Variants in ASCC3 observed in about 807,000 individuals in gnomAD.
ASCC3 encodes activating signal cointegrator 1 complex subunit 3, also known as ASC-1 complex subunit P200.
A neutral mutation model predicts 256.3 loss-of-function variants in ASCC3; 158 were observed. That is an observed-to-expected ratio of 0.62 (90% CI 0.54 to 0.70). The LOEUF (loss-of-function observed/expected upper bound fraction) is 0.70. Among genes scored for constraint, ASCC3 ranks in the 30% least tolerant of loss-of-function variants. The probability of loss-of-function intolerance (pLI) is 0.00; values close to 1 mark genes in which losing one functional copy is unlikely to be tolerated. For missense variants in ASCC3, 2,259 were observed against 2,626.0 expected (o/e 0.86, Z 3.05); for synonymous variants, 948 against 883.4 (o/e 1.07, Z -1.30).
At chr6:100,582,130 T>C (rs1358425953) in intron 36 of ASCC3, among the ~76,000 whole-genome samples, 1 of 151,882 alleles carries the variant, frequency 6.6e-6, no homozygotes, top group Non-Finnish European at 1.5e-5. Context: ...AAGAAAGTCA[T>C]TGGTAGCTTG....
At chr6:100,603,420 A>G (rs1274968528) in intron 33 of ASCC3, among the ~76,000 whole-genome samples, 1 of 152,052 alleles carries the variant, frequency 6.6e-6, no homozygotes, top group Non-Finnish European at 1.5e-5. Context: ...TTCTTCTCAA[A>G]AGAATATTTG....
At chr6:100,612,177 G>A (rs1197175497) in intron 30 of ASCC3, among the ~76,000 whole-genome samples, 2 of 151,838 alleles carry the variant, frequency 1.3e-5, no homozygotes, top group African/African-American at 2.4e-5. Context: ...TACTCAAAAA[G>A]CTTTTGTAGA....
At chr6:100,846,150 C>T (rs1562339177) in intron 4 of ASCC3, among the ~76,000 whole-genome samples, 1 of 14,192 alleles carries the variant, frequency 7.0e-5, no homozygotes, top group African/African-American at 2.7e-4. Flanking sequence ...AGGTATAGCA[C>T]GCACACCCTA....
chr6:100,535,819 A>ACAAGC (rs1357841134), intron 37 of ASCC3, among the ~76,000 whole-genome samples: 2 of 152,162 alleles, frequency 1.3e-5, no homozygotes, highest in African/African-American at 2.4e-5. Context: ...GTGGCTTCCG[A>ACAAGC]CAAGCCAAGC....
rs1291906584 is a variant in ASCC3, at chr6:100,601,876, G to T, written c.5237C>A (p.Ser1746Tyr). 1 of 1,612,420 alleles carries T rather than the reference G, an allele frequency of 6.2e-7. No homozygotes were observed. Among genetic ancestry groups the T allele is most frequent in the Non-Finnish European group, 8.5e-7 (1 of 1,178,874 alleles). ...GATATAATCCAATGCATCTTGCTTAGATGTAATTGTACCACCAGCAATCTC... is the reference window on the plus strand; with the variant it reads ...GATATAATCCAATGCATCTTGCTTATATGTAATTGTACCACCAGCAATCTC... Reference protein sequence around the residue: ...NAEIAGGTITSKQDALDYITW... With the variant: ...NAEIAGGTITYKQDALDYITW... The change falls in exon 34 of 42, where the codon TCT becomes TAT. Residue 1746 changes from serine (S) to tyrosine (Y), a missense_variant. By Grantham distance (144) the Ser-to-Tyr change is moderately radical (BLOSUM62 -2). This residue lies in a region of ASCC3 where 1,839 missense variants were observed against 2,206.7 expected (regional missense o/e 0.83). Coordinates refer to ENST00000369162, the MANE Select transcript of ASCC3 (RefSeq NM_006828.4).
chr6:100,630,470 T>A (rs1011698600), intron 26 of ASCC3, among the ~76,000 whole-genome samples: 1 of 151,134 alleles, frequency 6.6e-6, no homozygotes, highest in South Asian at 2.1e-4. Flanking sequence ...AGGATACTTA[T>A]ATTTTTTTTT....
chr6:100,702,792 C>T (rs1021651999), intron 13 of ASCC3, among the ~76,000 whole-genome samples: 2 of 152,106 alleles, frequency 1.3e-5, no homozygotes, highest in African/African-American at 2.4e-5. Context: ...ATTTTATTCA[C>T]AATTGTGAGC....
rs188328918 is a variant in ASCC3 at position 100,829,168 on chromosome 6, C to T, written c.801+18980G>A. Among the ~76,000 whole-genome samples the T allele has an allele frequency of 1.1e-3, 163 of 152,256 alleles. 1 individual carries two copies. Among genetic ancestry groups the T allele is most frequent in the Admixed American group, 4.6e-3 (70 of 15,304 alleles). ...AGACTCAGGAGCCCAACTGGATTCA[C>T]CCAGTGGATCCCGCACCTGGGCTGC... is the stretch of plus-strand genomic sequence containing the variant. On this transcript the variant is annotated intron_variant, in intron 4 of 41. Transcript: ENST00000369162.
intron 4 of ASCC3, among the ~76,000 whole-genome samples, chr6:100,840,089 C>A (rs1048115907): frequency 6.6e-6 from 1 of 152,006 alleles, no homozygotes; most frequent in African/African-American, 2.4e-5. Flanking sequence ...AATGAATAAC[C>A]TAAAATAGCA....
At chr6:100,854,913 T>TCACTTCAGTGCAA (rs1436295549) in intron 3 of ASCC3, among the ~76,000 whole-genome samples, 1 of 152,166 alleles carries the variant, frequency 6.6e-6, no homozygotes, top group East Asian at 1.9e-4. Flanking sequence ...AAGATTATTT[T>TCACTTCAGTGCAA]CACTTCAGTG....
chr6:100,715,946 T>G (rs1779068613), intron 12 of ASCC3, among the ~76,000 whole-genome samples: 1 of 151,858 alleles, frequency 6.6e-6, no homozygotes. Flanking sequence ...TTCTAAATGT[T>G]GCGAGAACAC....
intron 8 of ASCC3, among the ~76,000 whole-genome samples, chr6:100,790,296 G>A (rs1263070168): frequency 6.6e-6 from 1 of 151,884 alleles, no homozygotes; most frequent in Non-Finnish European, 1.5e-5. Context: ...ATGTGCAAAT[G>A]GTGAAGGAGG....
At chr6:100,611,628 G>C (rs181029378) in intron 30 of ASCC3, among the ~76,000 whole-genome samples, 170 of 151,908 alleles carry the variant, frequency 1.1e-3, no homozygotes, top group African/African-American at 3.8e-3. Context: ...TTATACAACT[G>C]AGTATATGTC....
chr6:100,720,303 T>C (rs1779265870), intron 11 of ASCC3, among the ~76,000 whole-genome samples: 2 of 151,872 alleles, frequency 1.3e-5, no homozygotes, highest in Admixed American at 6.6e-5. Context: ...GTTAAAACTA[T>C]GTAAAAAAAG....
intron 2 of ASCC3, among the ~76,000 whole-genome samples, chr6:100,866,302 T>C (rs761293631): frequency 9.9e-5 from 15 of 152,196 alleles, no homozygotes; most frequent in Admixed American, 3.9e-4. Context: ...ATGTCCAAAA[T>C]ACATTCAAAT....
At chr6:100,606,087 T>C (rs1412396963) in intron 32 of ASCC3, among the ~76,000 whole-genome samples, 1 of 152,034 alleles carries the variant, frequency 6.6e-6, no homozygotes, top group Non-Finnish European at 1.5e-5. Context: ...AGTCATTTGA[T>C]TATTTTCCCC....
intron 1 of ASCC3, among the ~76,000 whole-genome samples, chr6:100,872,471 G>GGA (rs1406174648): frequency 1.6e-5 from 2 of 128,208 alleles, no homozygotes; most frequent in Non-Finnish European, 3.3e-5. Context: ...AAAAGGGTCG[G>GGA]GGGGGGATCA....
chr6:100,875,958 A>G (rs990553527), intron 1 of ASCC3, among the ~76,000 whole-genome samples: 2 of 152,198 alleles, frequency 1.3e-5, no homozygotes, highest in African/African-American at 4.8e-5. Context: ...TACTGAAATA[A>G]TGTGGTTTAA....
At chr6:100,763,297 A>G (rs746112120) in intron 10 of ASCC3, among the ~76,000 whole-genome samples, 135 of 152,324 alleles carry the variant, frequency 8.9e-4, no homozygotes, top group South Asian at 1.7e-3. Context: ...GAGCAAGCAC[A>G]AAAGGTTCAA....
Sources: allele counts gnomAD v4.1 joint callset (sites outside exome capture counted in the v4.1 genomes callset), GRCh38; gene constraint gnomAD v4.1.1; regional missense constraint gnomAD v4.1.1; transcripts MANE v1.5; gene names NCBI Gene and HGNC (gene_info 2026-07-23, HGNC 2026-07-21).